PAK1: variants seen among roughly 807,000 people sequenced by gnomAD.
The protein encoded by PAK1 is p21 (RAC1) activated kinase 1.
A neutral mutation model predicts 67.4 loss-of-function variants in PAK1; 29 were observed. The ratio of observed to expected loss-of-function variants is 0.43; its 90% CI spans 0.32 to 0.59. PAK1 has a LOEUF of 0.59. Ranked by LOEUF, PAK1 falls within the 20% of genes least tolerant of loss-of-function variation. The pLI is 0.07. For synonymous variants in PAK1, 223 were observed against 237.4 expected, an observed-to-expected ratio of 0.94 and a Z score of 0.56; for missense variants, 337 against 670.7, an observed-to-expected ratio of 0.50 and a Z score of 5.50.
intron 1 of PAK1, among the ~76,000 whole-genome samples, chr11:77,405,656 CAG>C (rs1159151647): frequency 5.6e-5 from 4 of 71,398 alleles, no homozygotes; most frequent in Non-Finnish European, 9.3e-5. Flanking sequence ...TATTCAAAGA[CAG>C]ACAGACAGAC....
intron 5 of PAK1, among the ~76,000 whole-genome samples, chr11:77,367,851 G>C (rs149972654): frequency 1.3e-5 from 2 of 152,282 alleles, no homozygotes; most frequent in African/African-American, 2.4e-5. Flanking sequence ...ATGGTGGTGC[G>C]TGCCTGCAGT....
intron 1 of PAK1, among the ~76,000 whole-genome samples, chr11:77,439,262 T>C (rs957486185): frequency 1.3e-5 from 2 of 152,176 alleles, no homozygotes; most frequent in Non-Finnish European, 2.9e-5. Context: ...TTCTATCTTT[T>C]AAAAGTTAGG....
intron 1 of PAK1, among the ~76,000 whole-genome samples, chr11:77,457,259 T>C (rs1957123836): frequency 1.3e-5 from 2 of 152,246 alleles, no homozygotes; most frequent in Non-Finnish European, 2.9e-5. Flanking sequence ...TTTGGAATTA[T>C]TAATTGGGCA....
intron 1 of PAK1, among the ~76,000 whole-genome samples, chr11:77,451,391 C>G (rs1366197854): frequency 6.6e-6 from 1 of 152,138 alleles, no homozygotes; most frequent in African/African-American, 2.4e-5. Flanking sequence ...TAAGTTCCCT[C>G]CAACCCTGAT....
Position 77,330,786 on chromosome 11 carries a change from G to A in PAK1, c.1551+1944C>T, listed in dbSNP as rs562828856. Among the ~76,000 whole-genome samples, 4 of 152,204 alleles carry A rather than the reference G, an allele frequency of 2.6e-5. No homozygotes were observed. The South Asian group carries it at 6.2e-4, about 24-fold the overall frequency. ...CAACAAAAGCCAAAATTGACAAATG[G>A]GATCTAATTAAACTAAAGAGCTTCT... On this transcript the variant is annotated intron_variant, in intron 14 of 14. Transcript: ENST00000356341.
intron 1 of PAK1, among the ~76,000 whole-genome samples, chr11:77,419,589 A>C (rs530475201): frequency 6.6e-6 from 1 of 152,226 alleles, no homozygotes; most frequent in Non-Finnish European, 1.5e-5. Context: ...ATAGCTTATA[A>C]CTGATGACTA....
the PAK1 span, among the ~76,000 whole-genome samples, chr11:77,528,099 T>C: frequency 2.0e-5 from 3 of 151,982 alleles, no homozygotes; most frequent in African/African-American, 7.3e-5. Context: ...AATCCTACAG[T>C]CATGGGCCAC....
intron 1 of PAK1, among the ~76,000 whole-genome samples, chr11:77,410,882 T>C (rs1954418990): frequency 6.6e-6 from 1 of 152,064 alleles, no homozygotes; most frequent in Non-Finnish European, 1.5e-5. Flanking sequence ...GTGATTAAGA[T>C]ATTACCACAG....
At chr11:77,478,236 A>T (rs573803121), upstream of PAK1, among the ~76,000 whole-genome samples, 3 of 152,332 alleles carry the variant, frequency 2.0e-5, no homozygotes, top group African/African-American at 7.2e-5. Context: ...TCAACATTGT[A>T]ACAAAATAAC....
chr11:77,477,775 G>T (rs921066183), upstream of PAK1, among the ~76,000 whole-genome samples: 1 of 151,576 alleles, frequency 6.6e-6, no homozygotes, highest in Non-Finnish European at 1.5e-5. Context: ...CAAAAAACAA[G>T]AGGCTGGGCA....
At chr11:77,415,188 C>T (rs1046210380) in intron 1 of PAK1, among the ~76,000 whole-genome samples, 9 of 152,198 alleles carry the variant, frequency 5.9e-5, no homozygotes, top group African/African-American at 2.2e-4. Flanking sequence ...CACTACACAT[C>T]TATTAGAATA....
In PAK1 at chr11:77,429,056, T is replaced by TAAAAAA. The variant is rs566874549; in HGVS notation, c.-21-36521_-21-36516dup. On this transcript the variant is annotated intron_variant, in intron 1 of 14. Coordinates refer to ENST00000356341, the MANE Select transcript of PAK1 (RefSeq NM_002576.5). The stretch of plus-strand genomic sequence containing the variant: ...TTGGATTCTAAATGCCATTTAATAC[T>TAAAAAA]AAAAAAAAAAAAAAAAAAAAAAAAA... Among the ~76,000 whole-genome samples the TAAAAAA allele has an allele frequency of 4.1e-3, 201 of 48,974 alleles. 54 individuals are homozygous for TAAAAAA. The highest frequency in any genetic ancestry group is 4.7e-3 in the Non-Finnish European group (148 of 31,484). 32.1% of individuals were successfully genotyped at this position (48,974 alleles called of 152,430 possible).
chr11:77,365,551 G>A (rs1006541286), intron 5 of PAK1, among the ~76,000 whole-genome samples: 3 of 151,894 alleles, frequency 2.0e-5, no homozygotes, highest in African/African-American at 4.8e-5. Context: ...ATTCACACCT[G>A]GCTGGGAGCG....
intron 5 of PAK1, among the ~76,000 whole-genome samples, chr11:77,372,695 C>T (rs1332682067): frequency 6.6e-6 from 1 of 152,208 alleles, no homozygotes; most frequent in East Asian, 1.9e-4. Context: ...TCATCACCCA[C>T]CTCTACTTCC....
At chr11:77,332,400 AAAGG>A in intron 14 of PAK1, among the ~76,000 whole-genome samples, 1 of 102,036 alleles carries the variant, frequency 9.8e-6, no homozygotes, top group Non-Finnish European at 2.0e-5. Context: ...AAGGGAAGGG[AAAGG>A]AAGGGAAGGA....
the PAK1 span, among the ~76,000 whole-genome samples, chr11:77,492,387 G>A: frequency 5.7e-4 from 87 of 151,798 alleles, 1 homozygote; most frequent in Middle Eastern, 0.01. Flanking sequence ...GCCAGTTGAG[G>A]AGACAAACAC....
the PAK1 span, among the ~76,000 whole-genome samples, chr11:77,507,699 A>C: frequency 6.6e-6 from 1 of 151,908 alleles, no homozygotes; most frequent in Admixed American, 6.6e-5. Context: ...ATTTTTAAAA[A>C]TAATTTTATA....
chr11:77,464,401 A>C (rs1957497137), intron 1 of PAK1, among the ~76,000 whole-genome samples: 1 of 152,226 alleles, frequency 6.6e-6, no homozygotes, highest in Non-Finnish European at 1.5e-5. Flanking sequence ...AGGACTTATC[A>C]AAATCTGCAA....
rs376483572 is a variant in PAK1 at position 77,416,738 on chromosome 11, A to G, written c.-21-24197T>C. Among the ~76,000 whole-genome samples the G allele has an allele frequency of 1.0e-3, 156 of 152,242 alleles. 1 individual carries two copies. In the East Asian group the frequency reaches 0.017, roughly 16 times the overall value. On this transcript the variant is annotated intron_variant, in intron 1 of 14. Transcript: ENST00000356341. The stretch of plus-strand genomic sequence containing the variant: ...GGAGGCCAAGGTGGGCGGATCACGA[A>G]GTCAGGAGATCAAGACCATCCTGGC...
Sources: gnomAD v4.1 joint callset for allele counts (sites outside exome capture counted in the v4.1 genomes callset) on GRCh38, gnomAD v4.1.1 for gene constraint, MANE v1.5 for transcripts, NCBI Gene and HGNC (gene_info 2026-07-23, HGNC 2026-07-21) for gene names.